KIF6: variants seen among roughly 807,000 people sequenced by gnomAD.
KIF6 encodes the protein kinesin-like protein KIF6.
KIF6 carries 106 observed loss-of-function variants against 112.7 expected under a neutral mutation model. The ratio of observed to expected loss-of-function variants is 0.94; its 90% CI spans 0.80 to 1.11. The LOEUF (loss-of-function observed/expected upper bound fraction) is 1.11, where lower values mean the gene tolerates loss of function less well. Ranked by LOEUF, KIF6 falls within the 50% of genes least tolerant of loss-of-function variation. The pLI is 0.00. For missense variants in KIF6, 929 were observed against 964.0 expected (o/e 0.96, Z 0.48); for synonymous variants, 339 against 339.9 (o/e 1.00, Z 0.03).
chr6:39,337,157 T>C lies in KIF6; in HGVS notation c.2429-609A>G, dbSNP rs1189407464. Among the ~76,000 whole-genome samples, 3 of 66,092 alleles carry C rather than the reference T, an allele frequency of 4.5e-5. No homozygotes were observed. In the African/African-American group the frequency reaches 5.4e-4, roughly 12 times the overall value. 43.4% of individuals were successfully genotyped at this position (66,092 alleles called of 152,430 possible). A position where few individuals can be genotyped will look rare whatever the true frequency, so the allele number is the denominator to read the frequency against. ...CTTCCTTCCTTCCTTTCTCTTTCTT[T>C]TCTTTCTTTCCTTCCTTCTTTCTTT... On this transcript the variant is annotated intron_variant, in intron 22 of 22. Transcript: ENST00000287152.
intron 3 of KIF6, among the ~76,000 whole-genome samples, chr6:39,654,016 T>G (rs562877459): frequency 2.9e-4 from 44 of 152,280 alleles, no homozygotes; most frequent in Non-Finnish European, 5.3e-4. Flanking sequence ...GACCTTGTTG[T>G]TTTCACCACA....
chr6:39,677,867 AT>A (rs924226764), intron 3 of KIF6, among the ~76,000 whole-genome samples: 4 of 139,598 alleles, frequency 2.9e-5, no homozygotes, highest in African/African-American at 8.0e-5. Flanking sequence ...TGAACTCATC[AT>A]TTTTTATGGC....
chr6:39,585,097 T>G, intron 8 of KIF6, 113 bp from the exon 9 acceptor site: 1 of 647,656 alleles, frequency 1.5e-6, no homozygotes. Flanking sequence ...AAGTGATGTG[T>G]ATAAAACTCA....
intron 14 of KIF6, among the ~76,000 whole-genome samples, chr6:39,422,623 G>A (rs2150368170): frequency 6.6e-6 from 1 of 152,202 alleles, no homozygotes; most frequent in Non-Finnish European, 1.5e-5. Flanking sequence ...AAGAGCAAGT[G>A]TCAAAGGAGA....
intron 13 of KIF6, among the ~76,000 whole-genome samples, chr6:39,476,541 G>A (rs1774437797): frequency 6.6e-6 from 1 of 152,166 alleles, no homozygotes; most frequent in African/African-American, 2.4e-5. Context: ...GCTCTGGGTG[G>A]ACTCTAAGAA....
intron 3 of KIF6, among the ~76,000 whole-genome samples, chr6:39,695,432 A>G (rs1788472420): frequency 6.6e-6 from 1 of 152,224 alleles, no homozygotes; most frequent in African/African-American, 2.4e-5. Context: ...AATATCCAGA[A>G]TCTATAAGGA....
chr6:39,488,152 C>G (rs1775244965), intron 13 of KIF6, among the ~76,000 whole-genome samples: 1 of 151,842 alleles, frequency 6.6e-6, no homozygotes, highest in South Asian at 2.1e-4. Context: ...TTTTCTTGAC[C>G]CACCAATGAG....
chr6:39,342,294 T>C lies in KIF6; in HGVS notation c.2428+1415A>G, dbSNP rs1392360888. 6.6e-6 allele frequency among the ~76,000 whole-genome samples: 1 copy of C among 152,250 alleles called. No homozygotes were observed. The highest frequency in any genetic ancestry group is 6.5e-5 in the Admixed American group (1 of 15,290). ...AAAAGCAGTCTTCCCAGTTACTGTC[T>C]ACAACATTACATAGTTTAGCTATTT... is the stretch of plus-strand genomic sequence containing the variant. On this transcript the variant is annotated intron_variant, in intron 22 of 22. Coordinates refer to ENST00000287152, the MANE Select transcript of KIF6 (RefSeq NM_145027.6). The surrounding 1 kb of genome is among the most constrained non-coding windows in gnomAD (Gnocchi z 4.7).
intron 6 of KIF6, among the ~76,000 whole-genome samples, chr6:39,601,682 A>C (rs1017872148): frequency 1.3e-5 from 2 of 150,290 alleles, no homozygotes; most frequent in Admixed American, 6.7e-5. Flanking sequence ...GATTTGCTCC[A>C]GCCCTTACAT....
chr6:39,502,199 A>G (rs919615662), intron 13 of KIF6, among the ~76,000 whole-genome samples: 1 of 152,232 alleles, frequency 6.6e-6, no homozygotes, highest in African/African-American at 2.4e-5. Flanking sequence ...TTCTTAGAGA[A>G]AAGAATTTCC....
rs539968998 is a variant in KIF6, at chr6:39,550,822, C to G, written c.1182-5134G>C. On this transcript the variant is annotated intron_variant, in intron 10 of 22. Transcript: ENST00000287152. ...TCCATTGAGGGTGAGTTGTCTCTGA[C>G]AGGGTTAAACATGGGGATACTGACA... Among the ~76,000 whole-genome samples the G allele has an allele frequency of 1.6e-4, 25 of 152,296 alleles. 1 individual carries two copies. Among genetic ancestry groups the G allele is most frequent in the Admixed American group, 2.6e-4 (4 of 15,304 alleles).
chr6:39,609,275 C>T (rs1228580295), intron 6 of KIF6, among the ~76,000 whole-genome samples: 1 of 152,120 alleles, frequency 6.6e-6, no homozygotes, highest in African/African-American at 2.4e-5. Context: ...AAGCTGCCCA[C>T]CCAGGGGACC....
rs1554195028 is a variant in KIF6, at chr6:39,337,155, T to TTTC, written c.2429-608_2429-607insGAA. Among the ~76,000 whole-genome samples, 80 of 53,696 alleles carry TTTC rather than the reference T, an allele frequency of 1.5e-3. 3 individuals are homozygous for TTTC. Among genetic ancestry groups the TTTC allele is most frequent in the African/African-American group, 2.1e-3 (14 of 6,792 alleles). The allele number at this position is 53,696 out of a possible 152,430, so 35.2% of individuals were successfully genotyped here. A position where few individuals can be genotyped will look rare whatever the true frequency, so the allele number is the denominator to read the frequency against. ...TCCTTCCTTCCTTCCTTTCTCTTTCTTTTCTTTCTTTCCTTCCTTCTTTCT... is the reference window on the plus strand; with the variant it reads ...TCCTTCCTTCCTTCCTTTCTCTTTCTTTCTTTCTTTCTTTCCTTCCTTCTTTCT... On this transcript the variant is annotated intron_variant, in intron 22 of 22. Coordinates refer to ENST00000287152, the MANE Select transcript of KIF6 (RefSeq NM_145027.6).
rs1335648057 is a variant in KIF6 at position 39,407,541 on chromosome 6, G to C, written c.1810+12407C>G. ...TTATTAGGATGTCTTCTAGACTTCA[G>C]CATCATCTCAACATGTGTTAATATG... On this transcript the variant is annotated intron_variant, in intron 15 of 22. Coordinates refer to ENST00000287152, the MANE Select transcript of KIF6 (RefSeq NM_145027.6). Among the ~76,000 whole-genome samples the C allele has an allele frequency of 2.6e-5, 4 of 152,204 alleles. No individual in the cohort carries two copies. The East Asian group carries it at 5.8e-4, about 22-fold the overall frequency.
chr6:39,594,825 CA>C (rs1211457850), intron 7 of KIF6, among the ~76,000 whole-genome samples: 3 of 152,080 alleles, frequency 2.0e-5, no homozygotes, highest in African/African-American at 7.2e-5. Flanking sequence ...AATTTTTGAT[CA>C]TGTTTCTTAT....
intron 19 of KIF6, among the ~76,000 whole-genome samples, chr6:39,354,433 A>C (rs1581654605): frequency 6.6e-6 from 1 of 152,314 alleles, no homozygotes; most frequent in East Asian, 1.9e-4. Context: ...AAAAGAAGTT[A>C]TGTCCTTACC....
At chr6:39,546,156 C>T (rs1264277430) in intron 10 of KIF6, among the ~76,000 whole-genome samples, 1 of 152,120 alleles carries the variant, frequency 6.6e-6, no homozygotes, top group African/African-American at 2.4e-5. Flanking sequence ...CTACAGCCCC[C>T]AAGCCTGCCA....
At chr6:39,475,426 A>C (rs2150446580) in intron 13 of KIF6, among the ~76,000 whole-genome samples, 1 of 152,360 alleles carries the variant, frequency 6.6e-6, no homozygotes, top group East Asian at 1.9e-4. Context: ...GCTTATTTTA[A>C]ACAGCTTATC....
Position 39,598,577 on chromosome 6 carries a change from A to ATGTGTG in KIF6, c.640-2323_640-2318dup, listed in dbSNP as rs70984133. On this transcript the variant is annotated intron_variant, in intron 6 of 22. Coordinates refer to ENST00000287152, the MANE Select transcript of KIF6 (RefSeq NM_145027.6). ...AAATCTTGGGCAGGTATACATATAT[A>ATGTGTG]TGTGTGTGTGTGTGTGTGTGTGTGT... 6.2e-3 allele frequency among the ~76,000 whole-genome samples: 913 copies of ATGTGTG among 147,942 alleles called. 7 individuals carry two copies. The highest frequency in any genetic ancestry group is 0.033 in the South Asian group (153 of 4,664).
Sources: gnomAD v4.1 joint callset for allele counts (sites outside exome capture counted in the v4.1 genomes callset) on GRCh38, gnomAD v4.1.1 for gene constraint, Gnocchi (gnomAD v3.1) non-coding constraint, MANE v1.5 for transcripts, NCBI Gene and HGNC (gene_info 2026-07-23, HGNC 2026-07-21) for gene names.